DLG2: variants seen among roughly 807,000 people sequenced by gnomAD.
DLG2 encodes the protein discs large MAGUK scaffold protein 2.
In DLG2, 45 loss-of-function variants were observed where a neutral mutation model predicts 132.5. The observed-to-expected ratio is 0.34, with a 90% CI of 0.27 to 0.44. DLG2 has a LOEUF of 0.44. Among genes scored for constraint, DLG2 ranks in the 20% least tolerant of loss-of-function variants. DLG2 has a pLI of 1.00. For missense variants in DLG2, 1,045 were observed against 1,196.9 expected, an observed-to-expected ratio of 0.87 and a Z score of 1.87; for synonymous variants, 424 against 419.6, an observed-to-expected ratio of 1.01 and a Z score of -0.13.
At chr11:84,107,011 T>A (rs61897631) in intron 9 of DLG2, among the ~76,000 whole-genome samples, 3,913 of 107,142 alleles carry the variant, frequency 0.037, 168 homozygotes, top group African/African-American at 0.1. Flanking sequence ...TGTGTGTGTG[T>A]GTGAGAGAGT....
chr11:85,293,522 A>T (rs1292481648), intron 3 of DLG2, among the ~76,000 whole-genome samples: 1 of 152,198 alleles, frequency 6.6e-6, no homozygotes, highest in South Asian at 2.1e-4. Flanking sequence ...CCTGCCCAAA[A>T]TGCGTAAGTT....
At chr11:85,435,842 C>T (rs1372843619) in intron 3 of DLG2, among the ~76,000 whole-genome samples, 10 of 152,072 alleles carry the variant, frequency 6.6e-5, no homozygotes, top group African/African-American at 2.4e-4. Flanking sequence ...AAAAAAGAGC[C>T]CTCATGGCCA....
chr11:85,585,386 C>T (rs1157733534), intron 3 of DLG2, among the ~76,000 whole-genome samples: 2 of 152,082 alleles, frequency 1.3e-5, no homozygotes, highest in Non-Finnish European at 2.9e-5. Flanking sequence ...CTTTTTAATT[C>T]CAATTTGGAT....
intron 19 of DLG2, among the ~76,000 whole-genome samples, chr11:83,551,674 C>CTAG (rs2096394043): frequency 6.6e-6 from 1 of 152,112 alleles, no homozygotes; most frequent in African/African-American, 2.4e-5. Context: ...GGAACTTACC[C>CTAG]TTCTAAATCT....
At chr11:84,914,818 T>C (rs550012370) in intron 6 of DLG2, among the ~76,000 whole-genome samples, 3 of 152,268 alleles carry the variant, frequency 2.0e-5, no homozygotes, top group South Asian at 2.1e-4. Flanking sequence ...CATGTAAAAA[T>C]AGGTTTAATA....
At position 85,207,143 on chromosome 11, in the gene DLG2, T is replaced by C. The variant is rs543759487; in HGVS notation, c.187-52492A>G. ...CATGGCATCTCATCCCTATTGCTCA[T>C]CCATAATTCATATTTTTCTGTCAAA... is the stretch of plus-strand genomic sequence containing the variant. On this transcript the variant is annotated intron_variant, in intron 4 of 27. Coordinates refer to ENST00000376104, the MANE Select transcript of DLG2 (RefSeq NM_001142699.3). 7.2e-5 allele frequency among the ~76,000 whole-genome samples: 11 copies of C among 152,286 alleles called. 1 individual carries two copies. The South Asian group carries it at 2.3e-3, about 32-fold the overall frequency.
rs143791516 is a variant in DLG2 at position 85,552,000 on chromosome 11, A to G, written c.40+46657T>C. Among the ~76,000 whole-genome samples, 1,134 of 147,030 alleles carry G rather than the reference A, an allele frequency of 7.7e-3. 18 individuals carry two copies. Among genetic ancestry groups the G allele is most frequent in the African/African-American group, 0.026 (1,089 of 41,104 alleles). On this transcript the variant is annotated intron_variant, in intron 3 of 27. Coordinates refer to ENST00000376104, the MANE Select transcript of DLG2 (RefSeq NM_001142699.3). The stretch of plus-strand genomic sequence containing the variant: ...ATACCCCTAAGGCCTTGAGATCACA[A>G]TTTTAATGGTAAGCAGGAACTGAGG...
At chr11:85,351,968 A>G (rs1490338217) in intron 3 of DLG2, among the ~76,000 whole-genome samples, 3 of 152,218 alleles carry the variant, frequency 2.0e-5, no homozygotes, top group Non-Finnish European at 4.4e-5. Flanking sequence ...TGATTGGAAT[A>G]GTTTCAGAAA....
chr11:83,664,394 G>T (rs571582086), intron 18 of DLG2, among the ~76,000 whole-genome samples: 62 of 152,162 alleles, frequency 4.1e-4, no homozygotes, highest in Non-Finnish European at 6.9e-4. Context: ...ATGGCTGGTA[G>T]AGAGTGGGTA....
At chr11:85,359,223 A>G (rs867179998) in intron 3 of DLG2, among the ~76,000 whole-genome samples, 1 of 152,210 alleles carries the variant, frequency 6.6e-6, no homozygotes, top group African/African-American at 2.4e-5. Flanking sequence ...AGATAGCTCA[A>G]TGCTCAGTGG....
intron 5 of DLG2, among the ~76,000 whole-genome samples, chr11:85,122,821 A>ATT (rs1250714898): frequency 2.7e-5 from 4 of 150,252 alleles, no homozygotes; most frequent in African/African-American, 9.8e-5. Context: ...ATACATGCAA[A>ATT]TTATATATAT....
chr11:83,814,858 C>A, intron 17 of DLG2: 1 of 240,438 alleles, frequency 4.2e-6, no homozygotes. Context: ...CACACAGGAA[C>A]ACTTGAGTCC....
intron 6 of DLG2, among the ~76,000 whole-genome samples, chr11:85,047,652 C>T (rs1001482041): frequency 1.3e-5 from 2 of 151,692 alleles, no homozygotes; most frequent in African/African-American, 4.8e-5. Flanking sequence ...ATTAAAATAA[C>T]TGGGACAAAT....
chr11:85,006,487 C>T (rs1040216619), intron 6 of DLG2, among the ~76,000 whole-genome samples: 24 of 152,118 alleles, frequency 1.6e-4, no homozygotes, highest in Non-Finnish European at 3.2e-4. Context: ...TTGTCCATTT[C>T]TTCTACATTT....
chr11:84,520,676 A>G (rs1278542216), intron 7 of DLG2, among the ~76,000 whole-genome samples: 1 of 152,132 alleles, frequency 6.6e-6, no homozygotes, highest in Non-Finnish European at 1.5e-5. Flanking sequence ...GAAAGTGGGA[A>G]TGAGAAAAAG....
intron 6 of DLG2, among the ~76,000 whole-genome samples, chr11:84,866,276 C>T (rs1484527591): frequency 1.3e-5 from 2 of 152,108 alleles, no homozygotes; most frequent in Non-Finnish European, 2.9e-5. Context: ...CTGTCCCTTC[C>T]AAACCATTAA....
At chr11:84,550,776 C>T (rs757958557) in intron 6 of DLG2, among the ~76,000 whole-genome samples, 7 of 152,054 alleles carry the variant, frequency 4.6e-5, no homozygotes, top group Non-Finnish European at 7.4e-5. Flanking sequence ...GTTTATCTAG[C>T]GTGTTATATG....
intron 22 of DLG2, among the ~76,000 whole-genome samples, chr11:83,474,425 G>A (rs141065279): frequency 4.6e-5 from 7 of 152,194 alleles, no homozygotes; most frequent in African/African-American, 1.7e-4. Flanking sequence ...AAATTCTTGG[G>A]GAGAAAGTAT....
At chr11:84,905,976 A>T (rs1566341490) in intron 6 of DLG2, among the ~76,000 whole-genome samples, 1 of 152,176 alleles carries the variant, frequency 6.6e-6, no homozygotes, top group Non-Finnish European at 1.5e-5. Flanking sequence ...ATGATTAAAA[A>T]TGCCTTGTAT....
Sources: allele counts gnomAD v4.1 joint callset (sites outside exome capture counted in the v4.1 genomes callset), GRCh38; gene constraint gnomAD v4.1.1; transcripts MANE v1.5; gene names NCBI Gene and HGNC (gene_info 2026-07-23, HGNC 2026-07-21).